The following ST6GALNAC2 variants were observed in gnomAD, a reference collection of about 807,000 sequenced individuals.
ST6GALNAC2 encodes ST6 N-acetylgalactosaminide alpha-2,6-sialyltransferase 2, also known as alpha-N-acetylgalactosaminide alpha-2,6-sialyltransferase 2.
A neutral mutation model predicts 38.7 loss-of-function variants in ST6GALNAC2; 42 were observed. The observed-to-expected ratio is 1.09, with a 90% CI of 0.85 to 1.40. ST6GALNAC2 has a LOEUF of 1.40. Ranked by LOEUF, ST6GALNAC2 falls within the 40% of genes most tolerant of loss-of-function variation. The pLI, the probability that ST6GALNAC2 is intolerant of heterozygous loss-of-function variation, is 0.00. For synonymous variants in ST6GALNAC2, 233 were observed against 209.0 expected, an observed-to-expected ratio of 1.11 and a Z score of -0.99; for missense variants, 506 against 481.7, an observed-to-expected ratio of 1.05 and a Z score of -0.47.
Position 76,573,477 on chromosome 17 carries a change from C to T in ST6GALNAC2, c.362-114G>A, listed in dbSNP as rs2075378099. 2.9e-6 allele frequency: 3 copies of T among 1,041,046 alleles called. No homozygotes were observed. The highest frequency in any genetic ancestry group is 3.9e-6 in the Non-Finnish European group (3 of 763,498). 64.5% of individuals were successfully genotyped at this position (1,041,046 alleles called of 1,614,324 possible). ...CCCCTGAGGCCTGACCCTAGCCCCT[C>T]CCAAGAAGCACAGAGGGTGGGAGGG... On this transcript the variant is annotated intron_variant, in intron 3 of 8. Transcript: ENST00000225276. This position sits in a 1 kb window ranked among gnomAD's most constrained non-coding sequence, Gnocchi z 5.1.
rs749588247 is a variant in ST6GALNAC2, at chr17:76,566,193, T to A, written c.1036A>T (p.Ile346Leu). ...HYFERKMKPLIFYANHDLSLE... is the reference protein window; with the variant it reads ...HYFERKMKPLLFYANHDLSLE... ...GACAGATCGTGGTTTGCATAAAATA[T>A]CAATGGCTTCATTTTTCGTTCGAAA... The change falls in exon 9 of 9, where the codon ATA becomes TTA. Residue 346 changes from isoleucine to leucine, a missense_variant. Transcript: ENST00000225276. 6 of 1,614,152 alleles carry A rather than the reference T, an allele frequency of 3.7e-6. No individual in the cohort carries two copies. Among genetic ancestry groups the A allele is most frequent in the Non-Finnish European group, 2.5e-6 (3 of 1,180,048 alleles).
intron 7 of ST6GALNAC2, chr17:76,568,098 C>T (rs1255306099): frequency 6.2e-6 from 1 of 161,784 alleles, no homozygotes; most frequent in African/African-American, 2.4e-5. Context: ...CATCCACACA[C>T]CCCTCTCCAA....
At position 76,572,889 on chromosome 17, in the gene ST6GALNAC2, T is replaced by C. The variant is rs1288078805; in HGVS notation, c.531-114A>G. 3.0e-6 allele frequency: 4 copies of C among 1,316,680 alleles called. No individual in the cohort carries two copies. The South Asian group carries it at 5.1e-5, about 17-fold the overall frequency. 81.6% of individuals were successfully genotyped at this position (1,316,680 alleles called of 1,614,324 possible). A position where few individuals can be genotyped will look rare whatever the true frequency, so the allele number is the denominator to read the frequency against. The stretch of plus-strand genomic sequence containing the variant: ...CCTGCCTCTGTATGACCACTCCTTC[T>C]GCCCATGGCAGTACCAGTGCCCAGT... On this transcript the variant is annotated intron_variant, in intron 4 of 8. Coordinates refer to ENST00000225276, the MANE Select transcript of ST6GALNAC2 (RefSeq NM_006456.3).
intron 1 of ST6GALNAC2, among the ~76,000 whole-genome samples, chr17:76,579,454 A>G (rs559534889): frequency 1.5e-4 from 23 of 152,356 alleles, no homozygotes; most frequent in Non-Finnish European, 3.1e-4. Flanking sequence ...CCCCAGAGGC[A>G]GGCATTAGGT....
At chr17:76,579,149 C>A (rs928453415) in intron 1 of ST6GALNAC2, among the ~76,000 whole-genome samples, 7 of 152,248 alleles carry the variant, frequency 4.6e-5, no homozygotes, top group Non-Finnish European at 5.9e-5. Context: ...GAACTCCCGA[C>A]TTCAGGTGAT....
At chr17:76,574,897 T>C (rs982830153) in intron 2 of ST6GALNAC2, among the ~76,000 whole-genome samples, 8 of 152,038 alleles carry the variant, frequency 5.3e-5, no homozygotes, top group South Asian at 2.1e-4. Flanking sequence ...AGGGTGGTCT[T>C]GATCTCCTGA....
intron 2 of ST6GALNAC2, among the ~76,000 whole-genome samples, chr17:76,577,943 G>A (rs571575307): frequency 2.0e-5 from 3 of 152,276 alleles, no homozygotes; most frequent in African/African-American, 7.2e-5. Context: ...CAGCTTGGCT[G>A]TCGCTAAGCT....
At chr17:76,572,871 CTGTA>C in intron 4 of ST6GALNAC2, 96 bp from the exon 5 acceptor site, 1 of 1,450,130 alleles carries the variant, frequency 6.9e-7, no homozygotes, top group Non-Finnish European at 9.6e-7. Flanking sequence ...CCCCCTGCCT[CTGTA>C]TGACCACTCC....
Position 76,574,526 on chromosome 17 carries a change from C to A in ST6GALNAC2, c.200G>T (p.Arg67Leu), listed in dbSNP as rs773245960. ...NSWTGKGQAC[R>L]HLLHLAIQRH... The stretch of plus-strand genomic sequence containing the variant: ...CTGAATGGCCAGGTGAAGCAGGTGT[C>A]GGCAGGCCTGGCCCTGTGGGTGAGA... Residue 67 changes from arginine (R) to leucine (L), a missense_variant, in exon 3 of 9, where the codon CGA (arginine) becomes CTA (leucine). Arg to Leu is a moderately radical substitution (Grantham distance 102, BLOSUM62 -2). Transcript: ENST00000225276. 5.9e-6 allele frequency: 8 copies of A among 1,357,930 alleles called. No individual in the cohort carries two copies. Among genetic ancestry groups the A allele is most frequent in the Non-Finnish European group, 6.9e-6 (7 of 1,019,140 alleles). The allele number at this position is 1,357,930 out of a possible 1,614,324, so 84.1% of individuals were successfully genotyped here. A position where few individuals can be genotyped will look rare whatever the true frequency, so the allele number is the denominator to read the frequency against.
At chr17:76,577,798 C>T (rs2075433584) in intron 2 of ST6GALNAC2, among the ~76,000 whole-genome samples, 1 of 151,978 alleles carries the variant, frequency 6.6e-6, no homozygotes, top group South Asian at 2.1e-4. Flanking sequence ...GTCTCGAACT[C>T]CTGAACTCAG....
chr17:76,565,436 C>G lies in ST6GALNAC2; in HGVS notation c.*668G>C, dbSNP rs1272015467. The G allele has an allele frequency of 1.7e-5, 1 of 59,412 alleles. No individual in the cohort carries two copies. Among genetic ancestry groups the G allele is most frequent in the Non-Finnish European group, 3.7e-5 (1 of 26,978 alleles). The allele number at this position is 59,412 out of a possible 1,614,324, so 3.7% of individuals were successfully genotyped here. A position where few individuals can be genotyped will look rare whatever the true frequency, so the allele number is the denominator to read the frequency against. ...TCCTGTTGGTGACAAGGTGGTGATA[C>G]ATCTCTAATGGGACTTCCCTCAGTG... On this transcript the variant is annotated 3_prime_UTR_variant, in exon 9 of 9. Transcript: ENST00000225276.
intron 2 of ST6GALNAC2, among the ~76,000 whole-genome samples, chr17:76,578,137 G>T (rs188683898): frequency 4.6e-5 from 7 of 152,220 alleles, no homozygotes; most frequent in African/African-American, 1.7e-4. Context: ...AGGTTGTATC[G>T]CGCAATGGTT....
chr17:76,582,831 T>C (rs1469328790), intron 1 of ST6GALNAC2, among the ~76,000 whole-genome samples: 1 of 152,070 alleles, frequency 6.6e-6, no homozygotes, highest in African/African-American at 2.4e-5. Context: ...TCCCACTCTC[T>C]CCCAGACTAA....
In ST6GALNAC2 at chr17:76,572,722, G is replaced by A. The variant is rs1451212968; in HGVS notation, c.584C>T (p.Ser195Phe). 1 of 1,614,172 alleles carries A rather than the reference G, an allele frequency of 6.2e-7. No individual in the cohort carries two copies. Among genetic ancestry groups the A allele is most frequent in the Admixed American group, 1.7e-5 (1 of 60,028 alleles). Reference sequence around the variant, plus strand: ...CGTGTTCACAGTGAAACCATAGAAGGAAGTCTTGGTGCCCACATCGCGCTC... The same window carrying A: ...CGTGTTCACAGTGAAACCATAGAAGAAAGTCTTGGTGCCCACATCGCGCTC... ...GFERDVGTKT[S>F]FYGFTVNTMK... The change falls in exon 5 of 9, where the codon TCC becomes TTC. Residue 195 changes from serine to phenylalanine, a missense_variant. Physicochemically the swap from Ser to Phe is radical, Grantham distance 155. Transcript: ENST00000225276.
chr17:76,574,472 T>C lies in ST6GALNAC2; in HGVS notation c.254A>G (p.Asn85Ser), dbSNP rs769875443. The change falls in exon 3 of 9, where the codon AAT becomes AGT. Residue 85 changes from asparagine to serine, a missense_variant. Asn to Ser is a conservative substitution (Grantham distance 46). Coordinates refer to ENST00000225276, the MANE Select transcript of ST6GALNAC2 (RefSeq NM_006456.3). The stretch of plus-strand genomic sequence containing the variant: ...CCACAGCAGCACTGGAATGGAGAGA[T>C]TGAACAGGCCACGGAAGTGGGGGTG... Reference protein sequence around the residue: ...QRHPHFRGLFNLSIPVLLWGD... With the variant: ...QRHPHFRGLFSLSIPVLLWGD... 45 of 1,613,496 alleles carry C rather than the reference T, an allele frequency of 2.8e-5. No homozygotes were observed. Among genetic ancestry groups the C allele is most frequent in the South Asian group, 8.8e-5 (8 of 91,050 alleles).
At chr17:76,582,572 A>AAACAAC (rs970986186) in intron 1 of ST6GALNAC2, among the ~76,000 whole-genome samples, 2 of 152,148 alleles carry the variant, frequency 1.3e-5, no homozygotes, top group Admixed American at 1.3e-4. Context: ...CTCTCCTATT[A>AAACAAC]AACAACAACA....
intron 1 of ST6GALNAC2, among the ~76,000 whole-genome samples, chr17:76,582,553 T>A (rs1009739757): frequency 6.6e-6 from 1 of 152,192 alleles, no homozygotes; most frequent in Non-Finnish European, 1.5e-5. Context: ...AGCCCTATGT[T>A]GATTCTCACT....
intron 1 of ST6GALNAC2, 96 bp from the exon 2 acceptor site, chr17:76,578,912 CAAAG>C: frequency 9.6e-7 from 1 of 1,046,842 alleles, no homozygotes; most frequent in Non-Finnish European, 1.4e-6. Context: ...TAGGGGCGGA[CAAAG>C]TCTGTCTGTG....
chr17:76,568,941 G>A (rs1209989213), intron 6 of ST6GALNAC2, 145 bp from the exon 7 acceptor site: 8 of 695,892 alleles, frequency 1.1e-5, no homozygotes, highest in South Asian at 1.7e-5. Context: ...AGAAGGGGGT[G>A]TAGAAGGTGG....
Sources: allele counts gnomAD v4.1 joint callset (sites outside exome capture counted in the v4.1 genomes callset), GRCh38; gene constraint gnomAD v4.1.1; non-coding constraint Gnocchi (gnomAD v3.1); transcripts MANE v1.5; gene names NCBI Gene and HGNC (gene_info 2026-07-23, HGNC 2026-07-21).